The following SLC38A10 variants were observed in gnomAD, a reference collection of about 807,000 sequenced individuals.
SLC38A10 encodes the protein solute carrier family 38 member 10.
A neutral mutation model predicts 81.0 loss-of-function variants in SLC38A10; 53 were observed. That is an observed-to-expected ratio of 0.65 (90% CI 0.53 to 0.82). The LOEUF (loss-of-function observed/expected upper bound fraction) is 0.82. Ranked by LOEUF, SLC38A10 falls within the 40% of genes least tolerant of loss-of-function variation. The pLI, the probability that SLC38A10 is intolerant of heterozygous loss-of-function variation, is 0.00. For missense variants in SLC38A10, 1,471 were observed against 1,545.0 expected, an observed-to-expected ratio of 0.95 and a Z score of 0.80; for synonymous variants, 665 against 655.3, an observed-to-expected ratio of 1.01 and a Z score of -0.23.
At chr17:81,278,073 G>A (rs1303033421) in intron 6 of SLC38A10, among the ~76,000 whole-genome samples, 2 of 92,826 alleles carry the variant, frequency 2.2e-5, no homozygotes, top group Admixed American at 1.1e-4. Flanking sequence ...CCAGTAAATG[G>A]ACCAGCACAG....
chr17:81,275,937 T>C (rs764783727), intron 8 of SLC38A10, 32 bp downstream of exon 8: 1 of 1,600,162 alleles, frequency 6.2e-7, no homozygotes, highest in South Asian at 1.1e-5. Flanking sequence ...ACCTGTGCTA[T>C]TACGATCCGG....
intron 11 of SLC38A10, among the ~76,000 whole-genome samples, chr17:81,259,757 G>A (rs369015055): frequency 8.9e-4 from 135 of 152,296 alleles, no homozygotes; most frequent in African/African-American, 3.0e-3. Context: ...CTCCTGAAGC[G>A]GCCTGCAGCT....
Position 81,253,396 on chromosome 17 carries a change from CTG to C in SLC38A10, c.1289-158_1289-157del, listed in dbSNP as rs1276053785. Reference sequence around the variant, plus strand: ...ATTAGCAGCTAAGTAGCACAGAAAACTGTCATTTTTCATGTGTATTCACAACA... The same window carrying C: ...ATTAGCAGCTAAGTAGCACAGAAAACTCATTTTTCATGTGTATTCACAACA... On this transcript the variant is annotated intron_variant, in intron 11 of 15. Coordinates refer to ENST00000374759, the MANE Select transcript of SLC38A10 (RefSeq NM_001037984.3). The surrounding 1 kb of genome is among the most constrained non-coding windows in gnomAD (Gnocchi z 4.1). Among the ~76,000 whole-genome samples, 2 of 152,228 alleles carry C rather than the reference CTG, an allele frequency of 1.3e-5. No individual in the cohort carries two copies. The highest frequency in any genetic ancestry group is 6.5e-5 in the Admixed American group (1 of 15,284).
In SLC38A10 at chr17:81,283,368, G is replaced by A. The variant is rs756772119; in HGVS notation, c.357+41C>T. On this transcript the variant is annotated intron_variant, in intron 4 of 15. Coordinates refer to ENST00000374759, the MANE Select transcript of SLC38A10 (RefSeq NM_001037984.3). The surrounding 1 kb of genome is among the most constrained non-coding windows in gnomAD (Gnocchi z 4.7). ...TCCCACAGAGGGCCTCAGAGCAGCC[G>A]TCAGCATCTGAACAACCCAGAACCC... 4.5e-6 allele frequency: 7 copies of A among 1,569,682 alleles called. No individual in the cohort carries two copies. The highest frequency in any genetic ancestry group is 2.7e-5 in the African/African-American group (2 of 73,814).
In SLC38A10 at chr17:81,286,596, G is replaced by A. The variant is rs2146953827; in HGVS notation, c.218-1701C>T. On this transcript the variant is annotated intron_variant, in intron 2 of 15. Transcript: ENST00000374759. The surrounding 1 kb of genome is among the most constrained non-coding windows in gnomAD (Gnocchi z 6.0). Reference sequence around the variant, plus strand: ...GGCTGAAGCGCCCAGCAAGGTCCCGGGGACCCAGCCCTCCCCCGAGTGTGG... The same window carrying A: ...GGCTGAAGCGCCCAGCAAGGTCCCGAGGACCCAGCCCTCCCCCGAGTGTGG... Among the ~76,000 whole-genome samples the A allele has an allele frequency of 6.6e-6, 1 of 152,310 alleles. No individual in the cohort carries two copies. Among genetic ancestry groups the A allele is most frequent in the East Asian group, 1.9e-4 (1 of 5,182 alleles).
At chr17:81,248,787 C>T (rs866314390) in intron 14 of SLC38A10, among the ~76,000 whole-genome samples, 10 of 152,056 alleles carry the variant, frequency 6.6e-5, no homozygotes, top group South Asian at 6.2e-4. Context: ...CCCTGGGCCT[C>T]GCCCAGACCC....
In SLC38A10 at chr17:81,277,339, C is replaced by G. The variant is rs72850619; in HGVS notation, c.627-206G>C. 0.065 allele frequency among the ~76,000 whole-genome samples: 9,889 copies of G among 152,254 alleles called. 371 individuals are homozygous for G. The highest frequency in any genetic ancestry group is 0.13 in the East Asian group (670 of 5,172). ...GTTGCAGCAGCCCCCACTCAGGACA[C>G]CCCCCAGAGCGTGCACCATGCGAAC... On this transcript the variant is annotated intron_variant, in intron 6 of 15. Coordinates refer to ENST00000374759, the MANE Select transcript of SLC38A10 (RefSeq NM_001037984.3). This position sits in a 1 kb window ranked among gnomAD's most constrained non-coding sequence, Gnocchi z 4.5.
Position 81,253,745 on chromosome 17 carries a change from T to A in SLC38A10, c.1289-505A>T, listed in dbSNP as rs1342878734. 3.5e-4 allele frequency among the ~76,000 whole-genome samples: 28 copies of A among 79,190 alleles called. No individual in the cohort carries two copies. Among genetic ancestry groups the A allele is most frequent in the African/African-American group, 1.7e-3 (27 of 15,882 alleles). 52.0% of individuals were successfully genotyped at this position (79,190 alleles called of 152,430 possible). A position where few individuals can be genotyped will look rare whatever the true frequency, so the allele number is the denominator to read the frequency against. Reference sequence around the variant, plus strand: ...ATCACCATCTCCATCCCTACCACCATCACCATCATCATCACCGTCACCATC... The same window carrying A: ...ATCACCATCTCCATCCCTACCACCAACACCATCATCATCACCGTCACCATC... On this transcript the variant is annotated intron_variant, in intron 11 of 15. Coordinates refer to ENST00000374759, the MANE Select transcript of SLC38A10 (RefSeq NM_001037984.3). This position sits in a 1 kb window ranked among gnomAD's most constrained non-coding sequence, Gnocchi z 4.1.
At position 81,270,937 on chromosome 17, in the gene SLC38A10, T is replaced by C; in HGVS notation, c.1112A>G (p.Lys371Arg). The C allele has an allele frequency of 6.2e-7, 1 of 1,613,998 alleles. No homozygotes were observed. The highest frequency in any genetic ancestry group is 8.5e-7 in the Non-Finnish European group (1 of 1,180,018). ...CPALIYKKIH[K>R]NALSSQVVLW... is the part of the protein sequence containing the mutation. Reference sequence around the variant, plus strand: ...ACGCACCTGGGAGGAAAGTGCGTTCTTGTGGATTTTCTTGTAGATCAGCGC... The same window carrying C: ...ACGCACCTGGGAGGAAAGTGCGTTCCTGTGGATTTTCTTGTAGATCAGCGC... Residue 371 changes from lysine to arginine, a missense_variant, in exon 10 of 16, where the codon AAG (lysine) becomes AGG (arginine). Lys to Arg is a conservative substitution (Grantham distance 26). Around this residue, in one of 2 missense-constraint regions of SLC38A10, gnomAD observed 720 missense variants for 827.7 expected, o/e 0.87. Transcript: ENST00000374759. This position sits in a 1 kb window ranked among gnomAD's most constrained non-coding sequence, Gnocchi z 4.0.
In SLC38A10 at chr17:81,245,835, C is replaced by T. The variant is rs190816906; in HGVS notation, c.3081G>A (p.Pro1027=). The T allele has an allele frequency of 1.8e-4, 285 of 1,611,854 alleles. 1 individual carries two copies. The highest frequency in any genetic ancestry group is 1.2e-3 in the Middle Eastern group (7 of 6,030). The change falls in exon 16 of 16, where the codon CCG becomes CCA. Residue 1027 remains proline (P), a synonymous_variant. Transcript: ENST00000374759. ...TGGCATTGTCCGGCCTCTGGCCCCC[C>T]GGGACAGCTCGTTTGAGCCCCAGCT... ...EPELGLKRAV[P]GGQRPDNAKP...
chr17:81,261,746 G>A (rs977847370), intron 10 of SLC38A10, among the ~76,000 whole-genome samples: 2 of 152,242 alleles, frequency 1.3e-5, no homozygotes, highest in Non-Finnish European at 2.9e-5. Flanking sequence ...CCGCCGAAGG[G>A]AGCCCGGCCG....
chr17:81,293,798 A>G (rs897369652), intron 1 of SLC38A10, among the ~76,000 whole-genome samples: 1 of 152,212 alleles, frequency 6.6e-6, no homozygotes, highest in African/African-American at 2.4e-5. Flanking sequence ...CAAAATATAC[A>G]TGTTGTTTTC....
intron 9 of SLC38A10, among the ~76,000 whole-genome samples, chr17:81,272,287 C>A (rs942738663): frequency 7.2e-5 from 11 of 152,166 alleles, no homozygotes; most frequent in African/African-American, 2.7e-4. Context: ...CCACCTCAAC[C>A]TCCCAAAGTG....
Position 81,252,601 on chromosome 17 carries a change from G to A in SLC38A10, c.1539C>T (p.Asp513=), listed in dbSNP as rs766252930. Residue 513 remains aspartate, a synonymous_variant, in exon 13 of 16, where the codon GAC becomes GAT. Coordinates refer to ENST00000374759, the MANE Select transcript of SLC38A10 (RefSeq NM_001037984.3). ...GTTTGTTCTCTTCTGGCACCTCTCGGTCTTGGCCTTCATCTACCACCACCT... is the reference window on the plus strand; with the variant it reads ...GTTTGTTCTCTTCTGGCACCTCTCGATCTTGGCCTTCATCTACCACCACCT... ...HDKVVVDEGQ[D]REVPEENKPP... The A allele has an allele frequency of 8.7e-6, 14 of 1,613,240 alleles. No individual in the cohort carries two copies. The highest frequency in any genetic ancestry group is 4.0e-5 in the African/African-American group (3 of 75,070).
At chr17:81,282,960 G>A (rs2063228645) in intron 4 of SLC38A10, among the ~76,000 whole-genome samples, 1 of 152,176 alleles carries the variant, frequency 6.6e-6, no homozygotes, top group African/African-American at 2.4e-5. Flanking sequence ...AAGGTGTGTG[G>A]GCCCGTCAGG....
chr17:81,284,184 C>G (rs559878650), intron 3 of SLC38A10, among the ~76,000 whole-genome samples: 4 of 152,078 alleles, frequency 2.6e-5, no homozygotes, highest in East Asian at 3.9e-4. Context: ...ACGGCAAAAC[C>G]CTGTCTCTAC....
rs1014957917 is a variant in SLC38A10 at position 81,265,628 on chromosome 17, A to G, written c.1132-5234T>C. 6.6e-6 allele frequency among the ~76,000 whole-genome samples: 1 copy of G among 152,146 alleles called. No homozygotes were observed. The highest frequency in any genetic ancestry group is 2.1e-4 in the South Asian group (1 of 4,826). ...GGTCCCTGGGCTGGGTACAGGCACCATATCGCTGAGAGTACTCAGACAGGC... is the reference window on the plus strand; with the variant it reads ...GGTCCCTGGGCTGGGTACAGGCACCGTATCGCTGAGAGTACTCAGACAGGC... On this transcript the variant is annotated intron_variant, in intron 10 of 15. Coordinates refer to ENST00000374759, the MANE Select transcript of SLC38A10 (RefSeq NM_001037984.3). The surrounding 1 kb of genome is among the most constrained non-coding windows in gnomAD (Gnocchi z 4.2).
Position 81,246,160 on chromosome 17 carries a change from G to A in SLC38A10, c.2756C>T (p.Ala919Val). 1 of 1,611,746 alleles carries A rather than the reference G, an allele frequency of 6.2e-7. No homozygotes were observed. The highest frequency in any genetic ancestry group is 8.5e-7 in the Non-Finnish European group (1 of 1,179,904). The change falls in exon 16 of 16, where the codon GCA becomes GTA. Residue 919 changes from alanine (A) to valine (V), a missense_variant. This residue lies in a region of SLC38A10 where 751 missense variants were observed against 717.4 expected (regional missense o/e 1.05). Transcript: ENST00000374759. Reference protein sequence around the residue: ...EANWLVAGPGAETGDPRMKPK... With the variant: ...EANWLVAGPGVETGDPRMKPK... Reference sequence around the variant, plus strand: ...CTTCATGCGAGGGTCCCCCGTCTCTGCTCCTGGCCCTGCCACGAGCCAGTT... The same window carrying A: ...CTTCATGCGAGGGTCCCCCGTCTCTACTCCTGGCCCTGCCACGAGCCAGTT...
intron 8 of SLC38A10, among the ~76,000 whole-genome samples, chr17:81,273,988 T>A (rs2063139396): frequency 6.6e-6 from 1 of 152,230 alleles, no homozygotes; most frequent in Non-Finnish European, 1.5e-5. Flanking sequence ...CAGGTCCACC[T>A]TGGGATGAAG....
Sources: allele counts gnomAD v4.1 joint callset (sites outside exome capture counted in the v4.1 genomes callset), GRCh38; gene constraint gnomAD v4.1.1; regional missense constraint gnomAD v4.1.1; non-coding constraint Gnocchi (gnomAD v3.1); transcripts MANE v1.5; gene names NCBI Gene and HGNC (gene_info 2026-07-23, HGNC 2026-07-21).